FRMD6: variants seen among roughly 807,000 people sequenced by gnomAD.
FRMD6 encodes the protein FERM domain-containing protein 6.
Under a neutral mutation model 73.2 loss-of-function variants are expected in FRMD6, and 37 were observed. The ratio of observed to expected loss-of-function variants is 0.51; its 90% CI spans 0.39 to 0.66. The LOEUF (loss-of-function observed/expected upper bound fraction) is 0.66. FRMD6 is among the 30% of genes least tolerant of loss of function. The pLI, the probability that FRMD6 is intolerant of heterozygous loss-of-function variation, is 0.00. For missense variants in FRMD6, 714 were observed against 780.5 expected (o/e 0.91, Z 1.02); for synonymous variants, 273 against 282.2 (o/e 0.97, Z 0.33).
intron 2 of FRMD6, among the ~76,000 whole-genome samples, chr14:51,635,590 A>C (rs1316716760): frequency 6.6e-6 from 1 of 152,192 alleles, no homozygotes; most frequent in Non-Finnish European, 1.5e-5. Context: ...TTTTAAGTAA[A>C]TTTTACCATA....
chr14:51,692,503 C>T (rs1895672208), intron 2 of FRMD6, among the ~76,000 whole-genome samples: 1 of 151,760 alleles, frequency 6.6e-6, no homozygotes, highest in Non-Finnish European at 1.5e-5. Context: ...TGTACACACA[C>T]AAGCAGGTTG....
intron 1 of FRMD6, among the ~76,000 whole-genome samples, chr14:51,683,375 G>A (rs1384305673): frequency 6.6e-6 from 1 of 152,024 alleles, no homozygotes; most frequent in Non-Finnish European, 1.5e-5. Flanking sequence ...CATCTCCTGG[G>A]CTCAAGTGAT....
intron 1 of FRMD6, chr14:51,554,769 A>T (rs1324283928): frequency 6.6e-6 from 1 of 152,262 alleles, no homozygotes; most frequent in Middle Eastern, 3.2e-3. Context: ...TTCCATTCGC[A>T]TCCAAAATGG....
At chr14:51,727,498 C>T (rs1205751505) in intron 13 of FRMD6, among the ~76,000 whole-genome samples, 1 of 152,170 alleles carries the variant, frequency 6.6e-6, no homozygotes, top group Admixed American at 6.5e-5. Context: ...TGAGTTAATG[C>T]ATGCCGAGTA....
chr14:51,670,465 A>C (rs1893925258), intron 1 of FRMD6, among the ~76,000 whole-genome samples: 1 of 152,190 alleles, frequency 6.6e-6, no homozygotes, highest in Non-Finnish European at 1.5e-5. Context: ...CAGGAAATTG[A>C]CATTGGTACA....
intron 2 of FRMD6, among the ~76,000 whole-genome samples, chr14:51,572,197 T>C (rs971092411): frequency 5.3e-5 from 8 of 152,354 alleles, no homozygotes; most frequent in Admixed American, 1.3e-4. Flanking sequence ...GCTCCTCTAA[T>C]GTTCACCAGC....
chr14:51,531,397 A>G (rs1885575910), intron 1 of FRMD6, among the ~76,000 whole-genome samples: 1 of 152,232 alleles, frequency 6.6e-6, no homozygotes, highest in Non-Finnish European at 1.5e-5. Flanking sequence ...ATAACTGACC[A>G]TTATTTTCAA....
At chr14:51,632,604 C>G (rs2139986176) in intron 2 of FRMD6, among the ~76,000 whole-genome samples, 1 of 152,316 alleles carries the variant, frequency 6.6e-6, no homozygotes, top group South Asian at 2.1e-4. Flanking sequence ...ATCTGCAGTT[C>G]TCTCCATCTC....
At chr14:51,578,223 A>C (rs970973627) in intron 2 of FRMD6, among the ~76,000 whole-genome samples, 1 of 152,046 alleles carries the variant, frequency 6.6e-6, no homozygotes. Flanking sequence ...GATTCTTGAC[A>C]TATGTGATTT....
chr14:51,403,701 C>T, the FRMD6 span, among the ~76,000 whole-genome samples: 1 of 152,178 alleles, frequency 6.6e-6, no homozygotes, highest in Non-Finnish European at 1.5e-5. Context: ...CATGCCCAGT[C>T]TTGCAACTTT....
At chr14:51,579,750 C>T (rs1394374151) in intron 2 of FRMD6, among the ~76,000 whole-genome samples, 2 of 152,168 alleles carry the variant, frequency 1.3e-5, no homozygotes, top group Non-Finnish European at 2.9e-5. Context: ...TCTCACTGTT[C>T]ACCTGACCCT....
At chr14:51,636,572 G>C (rs1196468584) in intron 2 of FRMD6, among the ~76,000 whole-genome samples, 1 of 152,176 alleles carries the variant, frequency 6.6e-6, no homozygotes, top group Non-Finnish European at 1.5e-5. Flanking sequence ...TCCTGTTTTT[G>C]TGAGGCAAAT....
chr14:51,541,746 T>G (rs1886210832), intron 1 of FRMD6, among the ~76,000 whole-genome samples: 1 of 152,050 alleles, frequency 6.6e-6, no homozygotes, highest in Admixed American at 6.6e-5. Flanking sequence ...AGATTAACCT[T>G]GATCAGGGAA....
the FRMD6 span, among the ~76,000 whole-genome samples, chr14:51,421,004 T>C: frequency 1.3e-5 from 2 of 152,180 alleles, no homozygotes; most frequent in Non-Finnish European, 2.9e-5. Flanking sequence ...CTTGAACTCC[T>C]GAGCTCAAGT....
At chr14:51,706,370 G>A (rs1410326146) in intron 6 of FRMD6, among the ~76,000 whole-genome samples, 1 of 152,060 alleles carries the variant, frequency 6.6e-6, no homozygotes, top group East Asian at 1.9e-4. Flanking sequence ...TTGCAGATGA[G>A]ATGATTTTGC....
chr14:51,469,562 A>C, the FRMD6 span, among the ~76,000 whole-genome samples: 3 of 149,244 alleles, frequency 2.0e-5, 1 homozygote, highest in African/African-American at 7.4e-5. Flanking sequence ...GCAGTGAGCC[A>C]AGATAGCGCC....
intron 1 of FRMD6, among the ~76,000 whole-genome samples, chr14:51,675,612 A>G (rs1164729107): frequency 2.6e-5 from 4 of 152,188 alleles, no homozygotes; most frequent in Non-Finnish European, 5.9e-5. Flanking sequence ...TCACTGCAAA[A>G]TCCCCCAAGG....
intron 1 of FRMD6, among the ~76,000 whole-genome samples, chr14:51,551,877 A>G (rs955970605): frequency 3.3e-5 from 5 of 152,138 alleles, no homozygotes; most frequent in African/African-American, 9.7e-5. Flanking sequence ...ATAGGTATGT[A>G]TTTGATCCAT....
At chr14:51,505,350 T>C (rs1047854210) in intron 1 of FRMD6, among the ~76,000 whole-genome samples, 4 of 152,120 alleles carry the variant, frequency 2.6e-5, no homozygotes, top group Non-Finnish European at 5.9e-5. Flanking sequence ...CTTTTAGAAA[T>C]GTTTATTATT....
Sources: gnomAD v4.1 joint callset for allele counts (sites outside exome capture counted in the v4.1 genomes callset) on GRCh38, gnomAD v4.1.1 for gene constraint, MANE v1.5 for transcripts, NCBI Gene and HGNC (gene_info 2026-07-23, HGNC 2026-07-21) for gene names.